EBF2: variants seen among roughly 807,000 people sequenced by gnomAD.
The protein encoded by EBF2 is transcription factor COE2.
In EBF2, 21 loss-of-function variants were observed where a neutral mutation model predicts 72.8. The observed-to-expected ratio is 0.29, with a 90% CI of 0.20 to 0.42. The LOEUF (loss-of-function observed/expected upper bound fraction) is 0.42. Among genes scored for constraint, EBF2 ranks in the 10% least tolerant of loss-of-function variants. EBF2 has a pLI of 1.00. For synonymous variants in EBF2, 299 were observed against 274.2 expected (o/e 1.09, Z -0.89); for missense variants, 637 against 731.2 (o/e 0.87, Z 1.49).
intron 6 of EBF2, among the ~76,000 whole-genome samples, chr8:25,973,455 A>G (rs1455214551): frequency 6.6e-6 from 1 of 152,206 alleles, no homozygotes; most frequent in Non-Finnish European, 1.5e-5. Flanking sequence ...CAGTTAAGCA[A>G]TATTTTTGAC....
intron 14 of EBF2, among the ~76,000 whole-genome samples, chr8:25,854,606 A>G (rs1802046271): frequency 6.6e-6 from 1 of 152,014 alleles, no homozygotes; most frequent in Admixed American, 6.6e-5. Flanking sequence ...CCTCCTTTTT[A>G]CCTATACGTG....
chr8:25,877,724 C>T (rs1438631322), intron 10 of EBF2, among the ~76,000 whole-genome samples: 2 of 152,076 alleles, frequency 1.3e-5, no homozygotes, highest in Non-Finnish European at 2.9e-5. Context: ...GAGTCTCCCG[C>T]AGGACTCTCC....
rs187158946 is a variant in EBF2, at chr8:26,028,623, C to T, written c.551+4462G>A. ...TGAGCCCCCCAGAGGCTCACTGGAT[C>T]GTCAGAGAACCTGCCAGATAGAGAA... is the stretch of plus-strand genomic sequence containing the variant. On this transcript the variant is annotated intron_variant, in intron 6 of 15. Coordinates refer to ENST00000520164, the MANE Select transcript of EBF2 (RefSeq NM_022659.4). Among the ~76,000 whole-genome samples the T allele has an allele frequency of 3.0e-3, 455 of 152,296 alleles. 2 individuals carry two copies. The highest frequency in any genetic ancestry group is 0.01 in the African/African-American group (431 of 41,560).
chr8:25,888,501 G>A (rs1309388413), intron 8 of EBF2, among the ~76,000 whole-genome samples: 1 of 152,208 alleles, frequency 6.6e-6, no homozygotes, highest in African/African-American at 2.4e-5. Flanking sequence ...CACTGGAAAT[G>A]TGTAAATCCC....
At chr8:25,951,770 C>G (rs1306677103) in intron 6 of EBF2, among the ~76,000 whole-genome samples, 2 of 152,112 alleles carry the variant, frequency 1.3e-5, no homozygotes, top group African/African-American at 4.8e-5. Flanking sequence ...ACCAAGCATT[C>G]CCCCTATTTT....
At chr8:25,887,619 A>T (rs1053757627) in intron 9 of EBF2, among the ~76,000 whole-genome samples, 1 of 152,092 alleles carries the variant, frequency 6.6e-6, no homozygotes. Context: ...TTTTCAAAAC[A>T]TTTTTTAACG....
intron 8 of EBF2, among the ~76,000 whole-genome samples, chr8:25,888,639 A>T (rs1049666368): frequency 2.0e-5 from 3 of 152,198 alleles, no homozygotes; most frequent in African/African-American, 7.2e-5. Context: ...CTATCAAGAG[A>T]CAATTTCTAA....
intron 6 of EBF2, among the ~76,000 whole-genome samples, chr8:25,922,051 A>C (rs1209929828): frequency 6.6e-6 from 1 of 152,174 alleles, no homozygotes; most frequent in Non-Finnish European, 1.5e-5. Context: ...TCTCATTTGG[A>C]GTCACTAGGA....
At chr8:25,891,037 G>T (rs13278074) in intron 7 of EBF2, among the ~76,000 whole-genome samples, 11 of 152,026 alleles carry the variant, frequency 7.2e-5, no homozygotes, top group Admixed American at 3.9e-4. Flanking sequence ...GTCTAAGCTC[G>T]GGGGGAGGTC....
chr8:26,001,310 G>A (rs1804720542), intron 6 of EBF2, among the ~76,000 whole-genome samples: 1 of 152,086 alleles, frequency 6.6e-6, no homozygotes, highest in African/African-American at 2.4e-5. Context: ...GAAGAAAGGA[G>A]GAAGGATGAG....
chr8:25,938,820 T>C (rs1803622900), intron 6 of EBF2, among the ~76,000 whole-genome samples: 1 of 152,108 alleles, frequency 6.6e-6, no homozygotes. Flanking sequence ...TTGGAAAATA[T>C]GGCTGGTATT....
chr8:25,849,158 G>A (rs1199385599), intron 15 of EBF2, among the ~76,000 whole-genome samples: 11 of 152,206 alleles, frequency 7.2e-5, no homozygotes, highest in Admixed American at 7.2e-4. Context: ...CATACATTGG[G>A]TGGTATATAG....
intron 7 of EBF2, among the ~76,000 whole-genome samples, chr8:25,900,390 C>A (rs1010974287): frequency 3.3e-5 from 5 of 152,122 alleles, no homozygotes; most frequent in African/African-American, 4.8e-5. Flanking sequence ...GCCCAAAAGA[C>A]CAAGGCTGTA....
At position 25,934,021 on chromosome 8, in the gene EBF2, T is replaced by A. The variant is rs1275070793; in HGVS notation, c.552-25466A>T. ...AAATCTCTCTAGAGGGTTTTGGTTG[T>A]TTTAAGTAAAAATTCAATCTGTGGC... is the stretch of plus-strand genomic sequence containing the variant. On this transcript the variant is annotated intron_variant, in intron 6 of 15. Transcript: ENST00000520164. Among the ~76,000 whole-genome samples the A allele has an allele frequency of 2.6e-5, 4 of 152,154 alleles. No individual in the cohort carries two copies. In the East Asian group the frequency reaches 7.7e-4, roughly 29 times the overall value.
intron 1 of EBF2, 83 bp from the exon 2 acceptor site, chr8:26,042,334 AG>A (rs1199713767): frequency 1.4e-5 from 20 of 1,470,828 alleles, no homozygotes; most frequent in Non-Finnish European, 1.8e-5. Context: ...AACACTGCAG[AG>A]GGGTAAGGGG....
intron 6 of EBF2, among the ~76,000 whole-genome samples, chr8:25,954,185 G>A (rs555752597): frequency 6.6e-6 from 1 of 152,334 alleles, no homozygotes; most frequent in East Asian, 1.9e-4. Flanking sequence ...GAGAGAGAAG[G>A]ATGGCAGGAG....
chr8:25,928,253 C>T (rs776695997), intron 6 of EBF2, among the ~76,000 whole-genome samples: 9 of 152,266 alleles, frequency 5.9e-5, no homozygotes, highest in Admixed American at 2.6e-4. Flanking sequence ...AAGGTGCACA[C>T]GCTGGATTTC....
intron 6 of EBF2, among the ~76,000 whole-genome samples, chr8:25,959,295 C>A (rs966662441): frequency 3.3e-5 from 5 of 152,206 alleles, no homozygotes; most frequent in African/African-American, 1.2e-4. Context: ...ACTTCTGCCT[C>A]CCAGTTTCAA....
intron 14 of EBF2, among the ~76,000 whole-genome samples, chr8:25,853,510 C>T (rs1470961648): frequency 7.2e-6 from 1 of 138,654 alleles, no homozygotes; most frequent in African/African-American, 2.7e-5. Flanking sequence ...AAAAACTTAA[C>T]AGGGCGGGGA....
Sources: allele counts gnomAD v4.1 joint callset (sites outside exome capture counted in the v4.1 genomes callset), GRCh38; gene constraint gnomAD v4.1.1; transcripts MANE v1.5; gene names NCBI Gene and HGNC (gene_info 2026-07-23, HGNC 2026-07-21).